Variants in ABTB3 observed in about 807,000 individuals in gnomAD.
ABTB3 encodes the protein ankyrin repeat- and BTB/POZ domain-containing protein 3.
chr12:107,454,346 C>A, the ABTB3 span, among the ~76,000 whole-genome samples: 1 of 152,228 alleles, frequency 6.6e-6, no homozygotes, highest in Non-Finnish European at 1.5e-5. Context: ...GACAGCAAAT[C>A]ATTAAACCAA....
chr12:107,626,672 G>A, the ABTB3 span, among the ~76,000 whole-genome samples: 1 of 152,100 alleles, frequency 6.6e-6, no homozygotes, highest in Admixed American at 6.5e-5. Flanking sequence ...TCAAAGAAGT[G>A]AGTCTGTTTC....
chr12:107,341,545 CTTTG>C, the ABTB3 span, among the ~76,000 whole-genome samples: 9 of 152,138 alleles, frequency 5.9e-5, no homozygotes, highest in Non-Finnish European at 8.8e-5. Context: ...ATAGTGACCC[CTTTG>C]TTTGGTGTGC....
At chr12:107,607,137 G>C in the ABTB3 span, among the ~76,000 whole-genome samples, 1 of 152,214 alleles carries the variant, frequency 6.6e-6, no homozygotes, top group African/African-American at 2.4e-5. Context: ...GCCTCTCCCA[G>C]ATAAAAGTCA....
chr12:107,340,766 A>G, the ABTB3 span, among the ~76,000 whole-genome samples: 1 of 152,196 alleles, frequency 6.6e-6, no homozygotes, highest in African/African-American at 2.4e-5. Context: ...TGGGAAATTC[A>G]CCAGAGATCT....
At chr12:107,648,225 C>CA in the ABTB3 span, among the ~76,000 whole-genome samples, 4 of 152,122 alleles carry the variant, frequency 2.6e-5, no homozygotes, top group Admixed American at 6.5e-5. Context: ...TACTAAAATA[C>CA]AAAAAACTAG....
the ABTB3 span, among the ~76,000 whole-genome samples, chr12:107,516,620 G>T: frequency 6.6e-5 from 10 of 152,164 alleles, no homozygotes; most frequent in African/African-American, 9.7e-5. Context: ...TAGATGTGAA[G>T]GTGAAATATT....
the ABTB3 span, among the ~76,000 whole-genome samples, chr12:107,347,077 A>G: frequency 6.6e-6 from 1 of 152,226 alleles, no homozygotes; most frequent in Admixed American, 6.5e-5. Flanking sequence ...TTATTCTGCA[A>G]ATCTCCATAT....
the ABTB3 span, chr12:107,657,689 T>C: frequency 6.2e-7 from 1 of 1,614,102 alleles, no homozygotes; most frequent in Non-Finnish European, 8.5e-7. Context: ...GTCCATCCAC[T>C]TGTCGTCTTC....
At chr12:107,471,412 G>A in the ABTB3 span, among the ~76,000 whole-genome samples, 1 of 152,116 alleles carries the variant, frequency 6.6e-6, no homozygotes, top group African/African-American at 2.4e-5. Flanking sequence ...TTTAGGATTG[G>A]GTACAGAAGT....
the ABTB3 span, among the ~76,000 whole-genome samples, chr12:107,452,584 C>G: frequency 6.6e-6 from 1 of 152,120 alleles, no homozygotes; most frequent in East Asian, 1.9e-4. Context: ...GGCGCAGTGG[C>G]TCACACCTGT....
At chr12:107,377,422 T>A in the ABTB3 span, among the ~76,000 whole-genome samples, 1 of 132,974 alleles carries the variant, frequency 7.5e-6, no homozygotes. Flanking sequence ...AGAGTGTGTG[T>A]GTGTGTGTGT....
chr12:107,327,332 G>T, the ABTB3 span, among the ~76,000 whole-genome samples: 4 of 152,094 alleles, frequency 2.6e-5, no homozygotes, highest in East Asian at 7.7e-4. Context: ...GAGGTCATCA[G>T]GCTTAGGTGG....
At chr12:107,528,210 G>T in the ABTB3 span, among the ~76,000 whole-genome samples, 3 of 152,162 alleles carry the variant, frequency 2.0e-5, no homozygotes, top group Admixed American at 2.0e-4. Context: ...CCTGAGTCAG[G>T]TAGGTTAGAG....
At chr12:107,614,820 G>A in the ABTB3 span, among the ~76,000 whole-genome samples, 1 of 152,154 alleles carries the variant, frequency 6.6e-6, no homozygotes, top group Non-Finnish European at 1.5e-5. Flanking sequence ...GCCTTTGGGG[G>A]ATTGCTTTGG....
the ABTB3 span, among the ~76,000 whole-genome samples, chr12:107,452,974 G>A: frequency 6.6e-6 from 1 of 152,174 alleles, no homozygotes; most frequent in Admixed American, 6.5e-5. Context: ...GGGCTGAGAC[G>A]CCTTTTGACA....
chr12:107,370,899 C>T, the ABTB3 span, among the ~76,000 whole-genome samples: 3 of 151,352 alleles, frequency 2.0e-5, no homozygotes, highest in African/African-American at 7.3e-5. Flanking sequence ...TGTTTTCGAC[C>T]CAGCACACTG....
chr12:107,549,832 A>C, the ABTB3 span, among the ~76,000 whole-genome samples: 2 of 152,128 alleles, frequency 1.3e-5, no homozygotes, highest in African/African-American at 2.4e-5. Context: ...ACTTCCCTTA[A>C]TTTATTGACT....
chr12:107,469,973 T>C, the ABTB3 span, among the ~76,000 whole-genome samples: 1 of 86,876 alleles, frequency 1.2e-5, no homozygotes. Context: ...TCTTTCTTTC[T>C]TTCTTTCTTT....
At chr12:107,448,334 T>G in the ABTB3 span, among the ~76,000 whole-genome samples, 1 of 152,134 alleles carries the variant, frequency 6.6e-6, no homozygotes, top group Non-Finnish European at 1.5e-5. Context: ...GTTGATTGAG[T>G]TGCTTGAGTC....
Sources: allele counts gnomAD v4.1 joint callset (sites outside exome capture counted in the v4.1 genomes callset), GRCh38; gene constraint gnomAD v4.1.1; transcripts MANE v1.5; gene names NCBI Gene and HGNC (gene_info 2026-07-23, HGNC 2026-07-21).